Variants in KYNU observed in about 807,000 individuals in gnomAD.
KYNU encodes the protein L-kynurenine hydrolase.
Under a neutral mutation model 59.2 loss-of-function variants are expected in KYNU, and 54 were observed. The ratio of observed to expected loss-of-function variants is 0.91; its 90% CI spans 0.73 to 1.14. The LOEUF (loss-of-function observed/expected upper bound fraction) is 1.14, where lower values mean the gene tolerates loss of function less well. KYNU is among the 50% of genes most tolerant of loss of function. KYNU has a pLI of 0.00. For synonymous variants in KYNU, 177 were observed against 192.0 expected (o/e 0.92, Z 0.65); for missense variants, 567 against 554.4 (o/e 1.02, Z -0.23).
Position 142,940,873 on chromosome 2 carries a change from A to G in KYNU, c.373+13132A>G, listed in dbSNP as rs532476304. Among the ~76,000 whole-genome samples, 3 of 152,320 alleles carry G rather than the reference A, an allele frequency of 2.0e-5. No individual in the cohort carries two copies. The East Asian group carries it at 5.8e-4, about 29-fold the overall frequency. Reference sequence around the variant, plus strand: ...GCAGGCTCCATAATTTGCTAGAGCAATTTCAGAACTTTACTTTCACTTTAC... The same window carrying G: ...GCAGGCTCCATAATTTGCTAGAGCAGTTTCAGAACTTTACTTTCACTTTAC... On this transcript the variant is annotated intron_variant, in intron 4 of 13. Transcript: ENST00000264170.
At chr2:142,979,052 T>C (rs188640421) in intron 8 of KYNU, among the ~76,000 whole-genome samples, 2 of 152,214 alleles carry the variant, frequency 1.3e-5, no homozygotes, top group Admixed American at 1.3e-4. Flanking sequence ...GCTTTTCTCC[T>C]GGAAATTTCA....
At chr2:142,977,038 G>A (rs1684904906) in intron 8 of KYNU, among the ~76,000 whole-genome samples, 2 of 152,140 alleles carry the variant, frequency 1.3e-5, no homozygotes, top group South Asian at 4.1e-4. Context: ...CCTCCAAGTA[G>A]CAGGCTTCAG....
chr2:142,881,017 A>C (rs1162679844), intron 1 of KYNU, among the ~76,000 whole-genome samples: 1 of 152,240 alleles, frequency 6.6e-6, no homozygotes, highest in Admixed American at 6.5e-5. Context: ...TGGTGTTCAG[A>C]GGAAGACGGG....
intron 3 of KYNU, among the ~76,000 whole-genome samples, chr2:142,921,121 T>C (rs575686197): frequency 6.6e-6 from 1 of 152,312 alleles, no homozygotes; most frequent in South Asian, 2.1e-4. Flanking sequence ...AAGGGGTAGT[T>C]TGATGAACAG....
chr2:142,899,881 AT>A (rs1414297121), intron 2 of KYNU, among the ~76,000 whole-genome samples: 1 of 152,186 alleles, frequency 6.6e-6, no homozygotes, highest in Non-Finnish European at 1.5e-5. Flanking sequence ...CCAGTAAATA[AT>A]GATTCGGCCA....
chr2:142,932,450 T>C (rs144714705), intron 4 of KYNU, among the ~76,000 whole-genome samples: 1 of 152,072 alleles, frequency 6.6e-6, no homozygotes, highest in Non-Finnish European at 1.5e-5. Context: ...TTCCAGCCGA[T>C]ATGTGATTGT....
intron 2 of KYNU, among the ~76,000 whole-genome samples, chr2:142,911,714 T>C (rs987189318): frequency 6.6e-6 from 1 of 152,300 alleles, no homozygotes; most frequent in East Asian, 1.9e-4. Flanking sequence ...TTTTGCGGTA[T>C]GTTCCTTTGA....
chr2:142,890,930 A>G (rs1573754386), intron 2 of KYNU, among the ~76,000 whole-genome samples: 2 of 152,288 alleles, frequency 1.3e-5, no homozygotes, highest in East Asian at 3.8e-4. Flanking sequence ...CTCATAATGT[A>G]TACATTTAAT....
intron 12 of KYNU, among the ~76,000 whole-genome samples, chr2:143,036,271 C>T (rs1686891639): frequency 6.6e-6 from 1 of 152,048 alleles, no homozygotes; most frequent in African/African-American, 2.4e-5. Context: ...GCAGTTTTGC[C>T]ATGAGAGTAC....
At chr2:143,014,059 A>T (rs1363812456) in intron 10 of KYNU, among the ~76,000 whole-genome samples, 2 of 152,202 alleles carry the variant, frequency 1.3e-5, no homozygotes, top group African/African-American at 4.8e-5. Flanking sequence ...ATATAGTATG[A>T]ACCTGGGTTT....
intron 4 of KYNU, among the ~76,000 whole-genome samples, chr2:142,938,120 A>T (rs574832337): frequency 6.6e-6 from 1 of 152,300 alleles, no homozygotes; most frequent in South Asian, 2.1e-4. Context: ...AACAAAACCT[A>T]GTCTGTTCTA....
chr2:142,938,747 A>T (rs77615225), intron 4 of KYNU, among the ~76,000 whole-genome samples: 1,746 of 152,216 alleles, frequency 0.011, 121 homozygotes, highest in Admixed American at 0.11. Context: ...GTTGTGTGGA[A>T]AATTTTTTAA....
At chr2:143,015,183 G>A (rs995161475) in intron 10 of KYNU, among the ~76,000 whole-genome samples, 1 of 152,094 alleles carries the variant, frequency 6.6e-6, no homozygotes, top group African/African-American at 2.4e-5. Flanking sequence ...CAGATTTAGT[G>A]CTTTTCTGGA....
chr2:142,886,504 G>T (rs1206492932), intron 2 of KYNU, among the ~76,000 whole-genome samples: 1 of 152,182 alleles, frequency 6.6e-6, no homozygotes, highest in East Asian at 1.9e-4. Context: ...TGTAGTATAA[G>T]TTGAGGGAGA....
At position 142,891,114 on chromosome 2, in the gene KYNU, T is replaced by C. The variant is rs188282040; in HGVS notation, c.169+5578T>C. ...ATTGTGACTGCTAGCCCATGTGTCT[T>C]GACTCAATCCTGCTTTTACTTTTTT... On this transcript the variant is annotated intron_variant, in intron 2 of 13. Coordinates refer to ENST00000264170, the MANE Select transcript of KYNU (RefSeq NM_003937.3). Among the ~76,000 whole-genome samples the C allele has an allele frequency of 2.6e-3, 397 of 152,330 alleles. 2 individuals carry two copies. The highest frequency in any genetic ancestry group is 0.014 in the South Asian group (68 of 4,832).
intron 8 of KYNU, among the ~76,000 whole-genome samples, chr2:142,961,986 G>A (rs1387065030): frequency 6.6e-6 from 1 of 152,174 alleles, no homozygotes; most frequent in Admixed American, 6.5e-5. Flanking sequence ...GCAGTCTCTA[G>A]GAATTTCTAA....
At chr2:142,976,978 G>C (rs749353084) in intron 8 of KYNU, among the ~76,000 whole-genome samples, 1 of 152,096 alleles carries the variant, frequency 6.6e-6, no homozygotes, top group Non-Finnish European at 1.5e-5. Context: ...AGGAATGGCT[G>C]GGTTCCAGTA....
At chr2:142,907,577 T>A (rs369817874) in intron 2 of KYNU, among the ~76,000 whole-genome samples, 2 of 152,032 alleles carry the variant, frequency 1.3e-5, no homozygotes, top group African/African-American at 4.8e-5. Context: ...GAGTGTGCAG[T>A]TGCAAGATTT....
intron 10 of KYNU, among the ~76,000 whole-genome samples, chr2:143,019,397 G>C (rs977427441): frequency 2.6e-5 from 4 of 152,084 alleles, no homozygotes; most frequent in Non-Finnish European, 5.9e-5. Context: ...ATTATCATAA[G>C]GTTTTTGTCC....
Sources: allele counts gnomAD v4.1 joint callset (sites outside exome capture counted in the v4.1 genomes callset), GRCh38; gene constraint gnomAD v4.1.1; transcripts MANE v1.5; gene names NCBI Gene and HGNC (gene_info 2026-07-23, HGNC 2026-07-21).